Variants in EML4 observed in about 807,000 individuals in gnomAD.
EML4 encodes the protein echinoderm microtubule-associated protein-like 4.
Under a neutral mutation model 129.0 loss-of-function variants are expected in EML4, and 72 were observed. The observed-to-expected ratio is 0.56, with a 90% confidence interval of 0.46 to 0.68. The LOEUF is 0.68. Ranked by LOEUF, EML4 falls within the 30% of genes least tolerant of loss-of-function variation. The pLI, the probability that EML4 is intolerant of heterozygous loss-of-function variation, is 0.00. For synonymous variants in EML4, 532 were observed against 405.0 expected (o/e 1.31, Z -3.77); for missense variants, 1,363 against 1,190.6 (o/e 1.14, Z -2.13).
At chr2:42,314,450 C>T (rs554405262) in intron 17 of EML4, among the ~76,000 whole-genome samples, 1 of 152,218 alleles carries the variant, frequency 6.6e-6, no homozygotes. Context: ...TTTTAGGCAG[C>T]TAACCTAATT....
intron 17 of EML4, among the ~76,000 whole-genome samples, chr2:42,313,697 G>A (rs1669084001): frequency 6.6e-6 from 1 of 152,130 alleles, no homozygotes; most frequent in South Asian, 2.1e-4. Flanking sequence ...GGAGGACAAG[G>A]CGAGGGGATC....
At chr2:42,195,559 T>C (rs1001558065) in intron 1 of EML4, among the ~76,000 whole-genome samples, 1 of 152,212 alleles carries the variant, frequency 6.6e-6, no homozygotes, top group Non-Finnish European at 1.5e-5. Flanking sequence ...AAATGTACGT[T>C]TGCATATGCT....
chr2:42,256,681 G>T, intron 3 of EML4, 51 bp downstream of exon 3: 1 of 1,600,902 alleles, frequency 6.2e-7, no homozygotes, highest in Non-Finnish European at 8.5e-7. Flanking sequence ...TTGTCTGAAT[G>T]TGGTAGAGAT....
chr2:42,253,815 T>TA (rs1675949344), intron 2 of EML4, among the ~76,000 whole-genome samples: 1 of 152,216 alleles, frequency 6.6e-6, no homozygotes, highest in Non-Finnish European at 1.5e-5. Flanking sequence ...ATGTAAGGGC[T>TA]AAAACTTATG....
intron 17 of EML4, among the ~76,000 whole-genome samples, chr2:42,314,273 C>T (rs1228496413): frequency 1.3e-5 from 2 of 151,966 alleles, no homozygotes; most frequent in African/African-American, 2.4e-5. Context: ...GCATGAGAAT[C>T]GCTTGAACCC....
At chr2:42,236,323 T>C (rs1452793952) in intron 1 of EML4, among the ~76,000 whole-genome samples, 2 of 152,238 alleles carry the variant, frequency 1.3e-5, no homozygotes, top group Non-Finnish European at 2.9e-5. Flanking sequence ...CGTTTTACAA[T>C]TGATAGATAT....
At chr2:42,192,431 G>T (rs113232503) in intron 1 of EML4, among the ~76,000 whole-genome samples, 4 of 151,872 alleles carry the variant, frequency 2.6e-5, no homozygotes, top group Non-Finnish European at 5.9e-5. Flanking sequence ...GTAAAGGCAG[G>T]GTTTCACCAC....
chr2:42,207,161 A>G (rs1672605166), intron 1 of EML4, among the ~76,000 whole-genome samples: 1 of 152,236 alleles, frequency 6.6e-6, no homozygotes, highest in Non-Finnish European at 1.5e-5. Flanking sequence ...AGTTGGATGT[A>G]TAACACCTCC....
chr2:42,217,644 T>C (rs1358987607), intron 1 of EML4, among the ~76,000 whole-genome samples: 2 of 152,262 alleles, frequency 1.3e-5, no homozygotes, highest in African/African-American at 2.4e-5. Flanking sequence ...TCTTAAAATA[T>C]GCTTCTGGAC....
Position 42,286,352 on chromosome 2 carries a change from A to C in EML4, c.1095A>C (p.Gly365=). ...TTGGACTTGGCACTTTTGAGCGTGG[A>C]GTAGGATGCCTGGATTTTTCAAAAG... ...QIIGLGTFER[G]VGCLDFSKAD... is the part of the protein sequence containing the mutation. Residue 365 remains glycine (G), a synonymous_variant, in exon 10 of 23, where the codon GGA becomes GGC. Coordinates refer to ENST00000318522, the MANE Select transcript of EML4 (RefSeq NM_019063.5). 6.2e-7 allele frequency: 1 copy of C among 1,612,548 alleles called. No individual in the cohort carries two copies. The highest frequency in any genetic ancestry group is 8.5e-7 in the Non-Finnish European group (1 of 1,178,594).
intron 19 of EML4, among the ~76,000 whole-genome samples, chr2:42,323,123 G>C (rs1669605867): frequency 6.6e-6 from 1 of 152,184 alleles, no homozygotes; most frequent in Non-Finnish European, 1.5e-5. Context: ...CAAAGATGCA[G>C]ATAGTATTTT....
intron 7 of EML4, 100 bp from the exon 8 acceptor site, chr2:42,282,723 T>G (rs976146503): frequency 1.9e-5 from 20 of 1,062,448 alleles, no homozygotes; most frequent in East Asian, 1.7e-4. Context: ...TAGTTCAGTC[T>G]TCTTCATTGT....
intron 18 of EML4, among the ~76,000 whole-genome samples, chr2:42,316,966 G>T (rs1240878101): frequency 2.6e-5 from 4 of 152,188 alleles, no homozygotes; most frequent in African/African-American, 9.6e-5. Context: ...GAATTCCAGA[G>T]ATGACGTGGA....
At chr2:42,325,988 AC>A (rs1669791947) in intron 20 of EML4, 165 bp from the exon 21 acceptor site, 1 of 640,780 alleles carries the variant, frequency 1.6e-6, no homozygotes, top group African/African-American at 2.0e-5. Flanking sequence ...AGTTTTATAA[AC>A]CCTGTTAAAG....
intron 1 of EML4, among the ~76,000 whole-genome samples, chr2:42,182,245 T>C (rs1403563187): frequency 4.0e-5 from 6 of 151,514 alleles, no homozygotes; most frequent in South Asian, 2.1e-4. Context: ...GCCATGCTGG[T>C]GCGCTGCACC....
chr2:42,225,279 G>A (rs1558517794), intron 1 of EML4, among the ~76,000 whole-genome samples: 1 of 152,054 alleles, frequency 6.6e-6, no homozygotes, highest in African/African-American at 2.4e-5. Context: ...TGTAAGTGGA[G>A]TTGCTTTGTC....
intron 1 of EML4, among the ~76,000 whole-genome samples, chr2:42,224,526 T>C (rs1432114670): frequency 6.6e-6 from 1 of 152,144 alleles, no homozygotes; most frequent in African/African-American, 2.4e-5. Flanking sequence ...TGGGCAAGTT[T>C]TTATGTGGTC....
chr2:42,256,521 G>A lies in EML4; in HGVS notation c.229G>A (p.Val77Ile). ...SSKGQPSPRAVIPMSCITNGS... is the reference protein window; with the variant it reads ...SSKGQPSPRAIIPMSCITNGS... Reference sequence around the variant, plus strand: ...TTTAGGCCAACCAAGCCCTCGAGCAGTTATTCCCATGTCCTGTATAACCAA... The same window carrying A: ...TTTAGGCCAACCAAGCCCTCGAGCAATTATTCCCATGTCCTGTATAACCAA... The change falls in exon 3 of 23, where the codon GTT (valine) becomes ATT (isoleucine). Residue 77 changes from valine (V) to isoleucine (I), a missense_variant. Coordinates refer to ENST00000318522, the MANE Select transcript of EML4 (RefSeq NM_019063.5). The A allele has an allele frequency of 6.2e-7, 1 of 1,607,908 alleles. No homozygotes were observed. Among genetic ancestry groups the A allele is most frequent in the African/African-American group, 1.3e-5 (1 of 74,902 alleles).
At chr2:42,271,824 C>T (rs1397606020) in intron 6 of EML4, among the ~76,000 whole-genome samples, 6 of 152,038 alleles carry the variant, frequency 3.9e-5, no homozygotes, top group Admixed American at 6.5e-5. Context: ...CTGTCCAGGC[C>T]GGGCACAGTG....
Sources: allele counts gnomAD v4.1 joint callset (sites outside exome capture counted in the v4.1 genomes callset), GRCh38; gene constraint gnomAD v4.1.1; transcripts MANE v1.5; gene names NCBI Gene and HGNC (gene_info 2026-07-23, HGNC 2026-07-21).